The following MOB3B variants were observed in gnomAD, a reference collection of about 807,000 sequenced individuals.
The protein encoded by MOB3B is MOB kinase activator-like 2B.
In MOB3B, 7 loss-of-function variants were observed where a neutral mutation model predicts 18.7. The ratio of observed to expected loss-of-function variants is 0.37; its 90% CI spans 0.21 to 0.70. The LOEUF is 0.70. MOB3B is among the 30% of genes least tolerant of loss of function. MOB3B has a pLI of 0.52. For synonymous variants in MOB3B, 111 were observed against 99.9 expected (o/e 1.11, Z -0.66); for missense variants, 253 against 281.3 (o/e 0.90, Z 0.72).
chr9:27,438,987 A>G (rs534447747), intron 2 of MOB3B, among the ~76,000 whole-genome samples: 1 of 152,310 alleles, frequency 6.6e-6, no homozygotes, highest in Admixed American at 6.5e-5. Context: ...CGGTTTATTG[A>G]TATGTGTAGC....
At chr9:27,510,194 C>T (rs534749175) in intron 1 of MOB3B, among the ~76,000 whole-genome samples, 1 of 152,108 alleles carries the variant, frequency 6.6e-6, no homozygotes, top group African/African-American at 2.4e-5. Context: ...GGGAAGACAA[C>T]AAAAATAAAG....
At chr9:27,352,733 A>G (rs1821122565) in intron 3 of MOB3B, among the ~76,000 whole-genome samples, 1 of 152,216 alleles carries the variant, frequency 6.6e-6, no homozygotes, top group Non-Finnish European at 1.5e-5. Flanking sequence ...CACAAAGATG[A>G]GCAGTGCTGC....
intron 1 of MOB3B, among the ~76,000 whole-genome samples, chr9:27,518,536 C>A (rs536847307): frequency 2.0e-5 from 3 of 152,312 alleles, no homozygotes; most frequent in African/African-American, 7.2e-5. Flanking sequence ...ACTGATGGTA[C>A]ACGTTTATTT....
intron 1 of MOB3B, among the ~76,000 whole-genome samples, chr9:27,480,531 A>G (rs1186418683): frequency 6.6e-6 from 1 of 152,196 alleles, no homozygotes; most frequent in African/African-American, 2.4e-5. Flanking sequence ...TGATCTCCTG[A>G]CCTTGTGATC....
chr9:27,441,770 G>A (rs113641913), intron 2 of MOB3B, among the ~76,000 whole-genome samples: 1 of 152,112 alleles, frequency 6.6e-6, no homozygotes, highest in Admixed American at 6.6e-5. Context: ...TGCAATTGTC[G>A]CTTGTCTTGT....
At chr9:27,474,573 T>A (rs2131470479) in intron 1 of MOB3B, among the ~76,000 whole-genome samples, 1 of 152,338 alleles carries the variant, frequency 6.6e-6, no homozygotes, top group South Asian at 2.1e-4. Flanking sequence ...GCCTGCTGAT[T>A]AGAACCTTCG....
intron 2 of MOB3B, among the ~76,000 whole-genome samples, chr9:27,424,300 C>G (rs1423420982): frequency 1.3e-5 from 2 of 152,286 alleles, no homozygotes; most frequent in East Asian, 3.9e-4. Flanking sequence ...AGAGGTTCAT[C>G]CCAAACATCC....
chr9:27,522,239 T>A lies in MOB3B; in HGVS notation c.-199+7316A>T, dbSNP rs1462094549. On this transcript the variant is annotated intron_variant, in intron 1 of 3. Coordinates refer to ENST00000262244, the MANE Select transcript of MOB3B (RefSeq NM_024761.5). ...CCTGGAGACAGAGCAAGACCCCGTC[T>A]CACAAAAAAAAAAAAAAAAAAAAAA... 2.3e-4 allele frequency among the ~76,000 whole-genome samples: 5 copies of A among 22,188 alleles called. No individual in the cohort carries two copies. In the Admixed American group the frequency reaches 4.1e-3, roughly 18 times the overall value. The allele number at this position is 22,188 out of a possible 152,430, so 14.6% of individuals were successfully genotyped here.
intron 2 of MOB3B, among the ~76,000 whole-genome samples, chr9:27,390,123 G>A (rs1326412085): frequency 6.6e-6 from 1 of 152,052 alleles, no homozygotes; most frequent in Non-Finnish European, 1.5e-5. Context: ...TGTTACCCAG[G>A]CTGGAGTGCA....
chr9:27,383,834 A>G (rs1821613657), intron 2 of MOB3B, among the ~76,000 whole-genome samples: 1 of 152,188 alleles, frequency 6.6e-6, no homozygotes, highest in South Asian at 2.1e-4. Flanking sequence ...CAATTACCTT[A>G]CCTATGTTGG....
chr9:27,380,458 C>T (rs577695234), intron 2 of MOB3B, among the ~76,000 whole-genome samples: 9 of 152,012 alleles, frequency 5.9e-5, no homozygotes, highest in African/African-American at 1.7e-4. Context: ...AGGATGGTCT[C>T]GATCTCTTGA....
At chr9:27,417,835 G>A (rs1006338080) in intron 2 of MOB3B, among the ~76,000 whole-genome samples, 3 of 152,048 alleles carry the variant, frequency 2.0e-5, no homozygotes, top group Non-Finnish European at 2.9e-5. Flanking sequence ...GGTCGGGGCC[G>A]GTGGATCACA....
intron 3 of MOB3B, among the ~76,000 whole-genome samples, chr9:27,332,214 G>C (rs1820799408): frequency 6.6e-6 from 1 of 152,106 alleles, no homozygotes; most frequent in Non-Finnish European, 1.5e-5. Flanking sequence ...GTTGGTCTCA[G>C]ACTCCTGAGC....
intron 2 of MOB3B, among the ~76,000 whole-genome samples, chr9:27,418,399 C>T (rs556931959): frequency 6.6e-6 from 1 of 152,002 alleles, no homozygotes; most frequent in Non-Finnish European, 1.5e-5. Flanking sequence ...AAACTACAGA[C>T]CAATATCCCT....
At chr9:27,353,587 C>T (rs561332668) in intron 3 of MOB3B, among the ~76,000 whole-genome samples, 2 of 152,072 alleles carry the variant, frequency 1.3e-5, no homozygotes, top group African/African-American at 4.8e-5. Context: ...GAAAATGGAG[C>T]CTTGGAGAGA....
chr9:27,518,062 A>G (rs900935764), intron 1 of MOB3B, among the ~76,000 whole-genome samples: 2 of 152,176 alleles, frequency 1.3e-5, no homozygotes, highest in African/African-American at 2.4e-5. Context: ...AATTTGCAGC[A>G]TGTGAATCCT....
At chr9:27,460,309 A>G (rs371387321) in intron 1 of MOB3B, among the ~76,000 whole-genome samples, 3 of 152,248 alleles carry the variant, frequency 2.0e-5, no homozygotes, top group Non-Finnish European at 4.4e-5. Flanking sequence ...CAGAAGTTCC[A>G]TGTGCTCTCC....
At chr9:27,466,524 A>T (rs556436427) in intron 1 of MOB3B, among the ~76,000 whole-genome samples, 1 of 152,072 alleles carries the variant, frequency 6.6e-6, no homozygotes, top group Non-Finnish European at 1.5e-5. Flanking sequence ...GCAACGCCTC[A>T]CTCTACTGGT....
chr9:27,343,388 T>C (rs1053049137), intron 3 of MOB3B, among the ~76,000 whole-genome samples: 2 of 149,578 alleles, frequency 1.3e-5, no homozygotes, highest in African/African-American at 2.5e-5. Flanking sequence ...CTTGTTCACA[T>C]GTTTATCTGC....
Sources: allele counts gnomAD v4.1 joint callset (sites outside exome capture counted in the v4.1 genomes callset), GRCh38; gene constraint gnomAD v4.1.1; transcripts MANE v1.5; gene names NCBI Gene and HGNC (gene_info 2026-07-23, HGNC 2026-07-21).